The following LHFPL3 variants were observed in gnomAD, a reference collection of about 807,000 sequenced individuals.
LHFPL3 encodes the protein LHFPL tetraspan subfamily member 3.
Under a neutral mutation model 19.3 loss-of-function variants are expected in LHFPL3, and 5 were observed. The ratio of observed to expected loss-of-function variants is 0.26; its 90% CI spans 0.14 to 0.54. The LOEUF is 0.54. Among genes scored for constraint, LHFPL3 ranks in the 20% least tolerant of loss-of-function variants. LHFPL3 has a pLI of 0.94. For synonymous variants in LHFPL3, 133 were observed against 126.2 expected (o/e 1.05, Z -0.36); for missense variants, 249 against 307.4 (o/e 0.81, Z 1.42).
intron 1 of LHFPL3, among the ~76,000 whole-genome samples, chr7:104,432,993 AT>A (rs1792030770): frequency 6.6e-6 from 1 of 152,074 alleles, no homozygotes; most frequent in African/African-American, 2.4e-5. Context: ...CAATTCTGAA[AT>A]TTTTTGGTCT....
chr7:104,378,079 TAC>T (rs1182617813), intron 1 of LHFPL3, among the ~76,000 whole-genome samples: 6 of 152,212 alleles, frequency 3.9e-5, no homozygotes, highest in Admixed American at 6.5e-5. Flanking sequence ...AGTTCAAATG[TAC>T]AGTTTATAGA....
intron 1 of LHFPL3, among the ~76,000 whole-genome samples, chr7:104,519,362 T>C (rs1007961433): frequency 6.6e-6 from 1 of 152,120 alleles, no homozygotes; most frequent in African/African-American, 2.4e-5. Context: ...GGGAAAGCAT[T>C]GGGAACTTTT....
At chr7:104,859,888 T>G (rs1161329055) in intron 2 of LHFPL3, among the ~76,000 whole-genome samples, 1 of 152,180 alleles carries the variant, frequency 6.6e-6, no homozygotes, top group East Asian at 1.9e-4. Flanking sequence ...TTGTAACAAA[T>G]GTATCACTGG....
intron 1 of LHFPL3, among the ~76,000 whole-genome samples, chr7:104,672,587 GCAT>G (rs1792506592): frequency 6.6e-6 from 1 of 152,198 alleles, no homozygotes; most frequent in Non-Finnish European, 1.5e-5. Context: ...GAGGGAATTA[GCAT>G]CATAAGATCA....
At chr7:104,789,950 A>G (rs1789989275) in intron 2 of LHFPL3, among the ~76,000 whole-genome samples, 1 of 152,194 alleles carries the variant, frequency 6.6e-6, no homozygotes, top group Admixed American at 6.5e-5. Context: ...AGGGCACTAA[A>G]TTAACATTAT....
chr7:104,762,696 C>T (rs143072220), intron 2 of LHFPL3, among the ~76,000 whole-genome samples: 189 of 152,212 alleles, frequency 1.2e-3, no homozygotes, highest in African/African-American at 4.5e-3. Context: ...GTTACAAAGG[C>T]CTTTGTAGTC....
intron 1 of LHFPL3, among the ~76,000 whole-genome samples, chr7:104,479,671 C>A (rs55894332): frequency 6.6e-6 from 1 of 152,086 alleles, no homozygotes; most frequent in Non-Finnish European, 1.5e-5. Context: ...GGATTACAGG[C>A]ATGAGCCACT....
At chr7:104,669,167 C>T (rs1176727057) in intron 1 of LHFPL3, 2 of 1,613,384 alleles carry the variant, frequency 1.2e-6, no homozygotes, top group Non-Finnish European at 1.7e-6. Context: ...GTAATGCCAG[C>T]CCCTCCACCA....
intron 1 of LHFPL3, among the ~76,000 whole-genome samples, chr7:104,657,634 A>G (rs1792144614): frequency 6.6e-6 from 1 of 152,210 alleles, no homozygotes; most frequent in Non-Finnish European, 1.5e-5. Flanking sequence ...AGGTGCCTGG[A>G]TGTAAATACT....
At chr7:104,813,754 C>A (rs1790517049) in intron 2 of LHFPL3, among the ~76,000 whole-genome samples, 2 of 152,280 alleles carry the variant, frequency 1.3e-5, no homozygotes, top group African/African-American at 2.4e-5. Flanking sequence ...GAGGAGAAAC[C>A]CACAAGCAGC....
At chr7:104,490,676 G>A (rs1404469718) in intron 1 of LHFPL3, among the ~76,000 whole-genome samples, 1 of 152,096 alleles carries the variant, frequency 6.6e-6, no homozygotes, top group African/African-American at 2.4e-5. Context: ...ACCCCCATAT[G>A]TTTAAGACAT....
intron 1 of LHFPL3, among the ~76,000 whole-genome samples, chr7:104,735,148 A>G (rs914881349): frequency 6.6e-6 from 1 of 152,230 alleles, no homozygotes; most frequent in African/African-American, 2.4e-5. Context: ...CCTCCCAGAT[A>G]GGCTACTCAG....
chr7:104,430,435 T>TAC (rs1215435746), intron 1 of LHFPL3, among the ~76,000 whole-genome samples: 22 of 14,242 alleles, frequency 1.5e-3, no homozygotes, highest in African/African-American at 2.9e-3. Context: ...TATATATATA[T>TAC]ATATATATAT....
intron 1 of LHFPL3, among the ~76,000 whole-genome samples, chr7:104,438,804 A>G (rs970302436): frequency 6.8e-6 from 1 of 147,324 alleles, no homozygotes; most frequent in East Asian, 1.9e-4. Context: ...TTAACAAACC[A>G]AAAGTTGATT....
At chr7:104,435,321 A>G (rs1171375395) in intron 1 of LHFPL3, among the ~76,000 whole-genome samples, 2 of 151,690 alleles carry the variant, frequency 1.3e-5, no homozygotes, top group Non-Finnish European at 2.9e-5. Context: ...TATTATTATT[A>G]TTGTTATTTG....
At chr7:104,437,984 A>G (rs1439331093) in intron 1 of LHFPL3, among the ~76,000 whole-genome samples, 1 of 152,200 alleles carries the variant, frequency 6.6e-6, no homozygotes, top group Non-Finnish European at 1.5e-5. Context: ...GTGACCAGCC[A>G]CCATACAGGA....
At chr7:104,608,008 G>C (rs1403463741) in intron 1 of LHFPL3, among the ~76,000 whole-genome samples, 2 of 152,188 alleles carry the variant, frequency 1.3e-5, no homozygotes, top group African/African-American at 4.8e-5. Context: ...CAGGTGCTGA[G>C]AGGATGTGGA....
chr7:104,726,764 G>A (rs947972717), intron 1 of LHFPL3, among the ~76,000 whole-genome samples: 4 of 152,110 alleles, frequency 2.6e-5, no homozygotes, highest in African/African-American at 4.8e-5. Context: ...CCATGTCTTC[G>A]CTATTGTGAA....
At chr7:104,820,049 A>G (rs1248839980) in intron 2 of LHFPL3, among the ~76,000 whole-genome samples, 2 of 152,206 alleles carry the variant, frequency 1.3e-5, no homozygotes, top group Non-Finnish European at 2.9e-5. Context: ...TGATTATATT[A>G]TTGCAGAAAT....
Sources: allele counts gnomAD v4.1 joint callset (sites outside exome capture counted in the v4.1 genomes callset), GRCh38; gene constraint gnomAD v4.1.1; transcripts MANE v1.5; gene names NCBI Gene and HGNC (gene_info 2026-07-23, HGNC 2026-07-21).